UMAD1: variants seen among roughly 807,000 people sequenced by gnomAD.
The protein encoded by UMAD1 is UBAP1-MVB12-associated (UMA) domain containing 1.
A neutral mutation model predicts 6.1 loss-of-function variants in UMAD1; 8 were observed. That is an observed-to-expected ratio of 1.30 (90% CI 0.76 to 2.35). UMAD1 has a LOEUF of 2.35. Among genes scored for constraint, UMAD1 ranks in the 30% most tolerant of loss-of-function variants. The pLI is 0.00. For missense variants in UMAD1, 130 were observed against 78.4 expected (o/e 1.66, Z -2.49); for synonymous variants, 56 against 31.4 (o/e 1.78, Z -2.61).
At chr7:7,808,351 C>T (rs1210134510) in intron 3 of UMAD1, among the ~76,000 whole-genome samples, 1 of 151,884 alleles carries the variant, frequency 6.6e-6, no homozygotes, top group African/African-American at 2.4e-5. Context: ...TGAGTTTTTG[C>T]CATTATGACT....
At chr7:7,804,982 A>G (rs1302928218) in intron 3 of UMAD1, among the ~76,000 whole-genome samples, 1 of 67,758 alleles carries the variant, frequency 1.5e-5, no homozygotes, top group East Asian at 3.9e-4. Flanking sequence ...CTCCTTCTCA[A>G]GAAAACAAAA....
chr7:7,731,473 A>T (rs1483376657), intron 2 of UMAD1, among the ~76,000 whole-genome samples: 1 of 143,010 alleles, frequency 7.0e-6, no homozygotes, highest in African/African-American at 2.7e-5. Context: ...AAGGAAAAGC[A>T]AACAAACAAC....
At chr7:7,864,133 C>A (rs1784179764) in intron 3 of UMAD1, among the ~76,000 whole-genome samples, 1 of 152,134 alleles carries the variant, frequency 6.6e-6, no homozygotes, top group South Asian at 2.1e-4. Context: ...CTATTGACAT[C>A]CTCGATAGGT....
At chr7:7,862,177 C>G (rs889498592) in intron 3 of UMAD1, among the ~76,000 whole-genome samples, 1 of 151,644 alleles carries the variant, frequency 6.6e-6, no homozygotes, top group Non-Finnish European at 1.5e-5. Flanking sequence ...TGCATTCAGT[C>G]GATATCATAT....
intron 2 of UMAD1, among the ~76,000 whole-genome samples, chr7:7,784,853 CTG>C (rs1491102679): frequency 8.8e-5 from 13 of 147,118 alleles, no homozygotes; most frequent in African/African-American, 3.3e-4. Flanking sequence ...GCTCCGCCCC[CTG>C]GGGTTCACGC....
intron 2 of UMAD1, among the ~76,000 whole-genome samples, chr7:7,679,806 C>T (rs1779862654): frequency 6.6e-6 from 1 of 150,744 alleles, no homozygotes; most frequent in Non-Finnish European, 1.5e-5. Flanking sequence ...CTCAAGCCAT[C>T]TTCCTGCCTC....
chr7:7,742,294 G>A (rs1781486245), intron 2 of UMAD1: 3 of 647,004 alleles, frequency 4.6e-6, no homozygotes, highest in African/African-American at 3.6e-5. Flanking sequence ...TCTTCTTCAT[G>A]GCCGACTCAG....
chr7:7,827,269 T>G (rs1321269725), intron 3 of UMAD1, among the ~76,000 whole-genome samples: 1 of 151,626 alleles, frequency 6.6e-6, no homozygotes, highest in Non-Finnish European at 1.5e-5. Context: ...GTAGACTAAA[T>G]TCTATAGGAA....
chr7:7,728,203 G>A (rs1421283772), intron 2 of UMAD1, among the ~76,000 whole-genome samples: 1 of 152,100 alleles, frequency 6.6e-6, no homozygotes, highest in Non-Finnish European at 1.5e-5. Flanking sequence ...TTTAACTGTA[G>A]GAATCTTTAT....
chr7:7,799,150 A>C (rs888785142), intron 2 of UMAD1, among the ~76,000 whole-genome samples: 2 of 152,224 alleles, frequency 1.3e-5, no homozygotes, highest in Admixed American at 6.5e-5. Flanking sequence ...AATTTTTACC[A>C]TAATAAAATA....
At chr7:7,744,599 T>G (rs1326914506) in intron 2 of UMAD1, among the ~76,000 whole-genome samples, 1 of 151,912 alleles carries the variant, frequency 6.6e-6, no homozygotes, top group East Asian at 1.9e-4. Flanking sequence ...TACTGTTTTT[T>G]TTTTTTTTTT....
chr7:7,803,248 A>G (rs1782837857), intron 3 of UMAD1, among the ~76,000 whole-genome samples: 2 of 152,218 alleles, frequency 1.3e-5, no homozygotes, highest in Admixed American at 6.5e-5. Flanking sequence ...GGCCAAGGAA[A>G]GAGGATTGCT....
In UMAD1 at chr7:7,685,026, A is replaced by G. The variant is rs28915969; in HGVS notation, c.82+11573A>G. On this transcript the variant is annotated intron_variant, in intron 2 of 3. Transcript: ENST00000682710. The stretch of plus-strand genomic sequence containing the variant: ...ACATTTTGTCAGATTTAACTCAAAA[A>G]TTATGATGAGTGGCTTTCATATTTA... Among the ~76,000 whole-genome samples the G allele has an allele frequency of 6.6e-4, 101 of 152,322 alleles. 1 individual carries two copies. The highest frequency in any genetic ancestry group is 2.3e-3 in the African/African-American group (96 of 41,566).
intron 3 of UMAD1, among the ~76,000 whole-genome samples, chr7:7,864,769 A>G (rs977143532): frequency 6.6e-6 from 1 of 152,082 alleles, no homozygotes; most frequent in African/African-American, 2.4e-5. Context: ...TCTAGATGGC[A>G]TCAGAATGAA....
intron 2 of UMAD1, among the ~76,000 whole-genome samples, chr7:7,721,504 GCATTTGAATAAGTAGT>G (rs1454324456): frequency 6.6e-6 from 1 of 152,200 alleles, no homozygotes; most frequent in Non-Finnish European, 1.5e-5. Context: ...GGAAGCTCAT[GCATTTGAATAAGTAGT>G]AAATGGTGAT....
intron 2 of UMAD1, among the ~76,000 whole-genome samples, chr7:7,767,775 G>A (rs752931047): frequency 2.6e-5 from 4 of 152,184 alleles, no homozygotes; most frequent in African/African-American, 4.8e-5. Context: ...TAAAGAAGCT[G>A]AGCCTAAGCA....
At chr7:7,746,955 TTGTGTGTG>T (rs36223422) in intron 2 of UMAD1, among the ~76,000 whole-genome samples, 23,479 of 148,562 alleles carry the variant, frequency 0.16, 3,233 homozygotes, top group African/African-American at 0.38. Context: ...GAGTGCATGT[TTGTGTGTG>T]TGTGTGTGTG....
intron 1 of UMAD1, among the ~76,000 whole-genome samples, chr7:7,655,749 G>C (rs890683428): frequency 1.3e-5 from 2 of 151,990 alleles, no homozygotes; most frequent in African/African-American, 4.8e-5. Flanking sequence ...TAGAGGACAG[G>C]CTCTTTTTTA....
chr7:7,855,761 C>T (rs1180547486), intron 3 of UMAD1, among the ~76,000 whole-genome samples: 1 of 152,220 alleles, frequency 6.6e-6, no homozygotes, highest in Non-Finnish European at 1.5e-5. Flanking sequence ...AATTTTTCTC[C>T]AGAAAATGGG....
Sources: gnomAD v4.1 joint callset for allele counts (sites outside exome capture counted in the v4.1 genomes callset) on GRCh38, gnomAD v4.1.1 for gene constraint, MANE v1.5 for transcripts, NCBI Gene and HGNC (gene_info 2026-07-23, HGNC 2026-07-21) for gene names.